Variants in THSD4 observed in about 807,000 individuals in gnomAD.
The protein encoded by THSD4 is thrombospondin type-1 domain-containing protein 4.
Under a neutral mutation model 119.0 loss-of-function variants are expected in THSD4, and 69 were observed. The ratio of observed to expected loss-of-function variants is 0.58; its 90% CI spans 0.48 to 0.71. The LOEUF (loss-of-function observed/expected upper bound fraction) is 0.71, where lower values mean the gene tolerates loss of function less well. Among genes scored for constraint, THSD4 ranks in the 30% least tolerant of loss-of-function variants. THSD4 has a pLI of 0.00. For synonymous variants in THSD4, 524 were observed against 540.4 expected (o/e 0.97, Z 0.42); for missense variants, 1,393 against 1,391.1 (o/e 1.00, Z -0.02).
intron 3 of THSD4, among the ~76,000 whole-genome samples, chr15:71,174,284 T>G (rs1023804808): frequency 1.1e-4 from 16 of 151,584 alleles, no homozygotes; most frequent in African/African-American, 3.7e-4. Context: ...CAGGCCAGTG[T>G]GTGCGCGCGC....
At chr15:71,182,862 G>C (rs537551288) in intron 3 of THSD4, among the ~76,000 whole-genome samples, 16 of 151,878 alleles carry the variant, frequency 1.1e-4, no homozygotes, top group South Asian at 4.2e-4. Context: ...GGTTAGTTTG[G>C]AGAAACAGAG....
chr15:71,646,062 C>T (rs1233631199), intron 7 of THSD4, among the ~76,000 whole-genome samples: 1 of 152,206 alleles, frequency 6.6e-6, no homozygotes, highest in African/African-American at 2.4e-5. Flanking sequence ...CACCTTAAAA[C>T]TCTGCTTTTG....
Position 71,710,106 on chromosome 15 carries a change from G to C in THSD4, c.1358-18443G>C, listed in dbSNP as rs28684474. Among the ~76,000 whole-genome samples, 406 of 152,332 alleles carry C rather than the reference G, an allele frequency of 2.7e-3. 2 individuals are homozygous for C. The highest frequency in any genetic ancestry group is 9.0e-3 in the African/African-American group (373 of 41,572). On this transcript the variant is annotated intron_variant, in intron 8 of 17. Coordinates refer to ENST00000261862, the MANE Select transcript of THSD4 (RefSeq NM_024817.3). ...TTCAAGCTCTTTCCCATCCTGAGGG[G>C]GCTGAGTCAATGCTCCAAAGTGGAA...
chr15:71,293,423 C>T (rs895704399), intron 6 of THSD4, among the ~76,000 whole-genome samples: 1 of 152,084 alleles, frequency 6.6e-6, no homozygotes, highest in Non-Finnish European at 1.5e-5. Context: ...GGGTCTGCAG[C>T]CCCTTCTCAG....
Position 71,256,482 on chromosome 15 carries a change from AAAAAAATAAATAAATAAAGAATAAAAAT to A in THSD4, c.913-116_913-89del. Reference sequence around the variant, plus strand: ...AAGGGTGAGACTCCATCTCAAAAAAAAAAAAATAAATAAATAAAGAATAAAAATAAAAAATAAATAAAGTTGGAAAGGT... The same window carrying A: ...AAGGGTGAGACTCCATCTCAAAAAAAAAAAAATAAATAAAGTTGGAAAGGT... On this transcript the variant is annotated intron_variant, in intron 5 of 17. Transcript: ENST00000261862. The A allele has an allele frequency of 7.0e-6, 4 of 574,000 alleles. 1 individual carries two copies. The highest frequency in any genetic ancestry group is 9.9e-6 in the Non-Finnish European group (4 of 403,530). The allele number at this position is 574,000 out of a possible 1,614,324, so 35.6% of individuals were successfully genotyped here.
At chr15:71,595,249 T>G (rs2049886182) in intron 7 of THSD4, among the ~76,000 whole-genome samples, 1 of 152,228 alleles carries the variant, frequency 6.6e-6, no homozygotes, top group African/African-American at 2.4e-5. Context: ...AACAAGGTGA[T>G]AAGCTTTGGC....
chr15:71,189,245 C>T (rs1042700256), intron 3 of THSD4, among the ~76,000 whole-genome samples: 32 of 152,196 alleles, frequency 2.1e-4, no homozygotes, highest in African/African-American at 7.2e-4. Context: ...TTACATCAAG[C>T]AGGTCTCTAT....
rs2050668540 is a variant in THSD4 at position 71,633,265 on chromosome 15, CT to C, written c.1153-27262del. Among the ~76,000 whole-genome samples the C allele has an allele frequency of 2.4e-5, 3 of 123,602 alleles. No individual in the cohort carries two copies. In the Admixed American group the frequency reaches 2.7e-4, roughly 11 times the overall value. The allele number at this position is 123,602 out of a possible 152,430, so 81.1% of individuals were successfully genotyped here. ...TTTCTTCTTTTCTTTTTCTTTCTTT[CT>C]TTCTTTTTTTTTTTTTTTTTTTTTT... On this transcript the variant is annotated intron_variant, in intron 7 of 17. Transcript: ENST00000261862.
rs537964744 is a variant in THSD4, at chr15:71,218,511, C to T, written c.464+3112C>T. On this transcript the variant is annotated intron_variant, in intron 4 of 17. Coordinates refer to ENST00000261862, the MANE Select transcript of THSD4 (RefSeq NM_024817.3). ...AAATTTTTTTCTTCAAATGTATTGA[C>T]GGGGGCCAGTTAAACTGTTTACTAT... is the stretch of plus-strand genomic sequence containing the variant. Among the ~76,000 whole-genome samples the T allele has an allele frequency of 3.3e-5, 5 of 152,232 alleles. No individual in the cohort carries two copies. In the South Asian group the frequency reaches 8.3e-4, roughly 25 times the overall value.
At chr15:71,547,296 C>T (rs954790123) in intron 7 of THSD4, 19 of 1,506,436 alleles carry the variant, frequency 1.3e-5, no homozygotes, top group African/African-American at 5.5e-5. Flanking sequence ...AGGGAACCAG[C>T]GCGGTGCCTA....
intron 14 of THSD4, among the ~76,000 whole-genome samples, chr15:71,751,160 A>G (rs946401764): frequency 6.6e-5 from 10 of 152,224 alleles, no homozygotes; most frequent in Non-Finnish European, 1.5e-4. Context: ...AAAAATATCT[A>G]GTTTCCTCAA....
chr15:71,679,184 C>G (rs1001938126), intron 8 of THSD4, among the ~76,000 whole-genome samples: 2 of 152,152 alleles, frequency 1.3e-5, no homozygotes, highest in Non-Finnish European at 2.9e-5. Context: ...CCTTTGATGA[C>G]TTTGAAAAGA....
At chr15:71,160,607 G>A (rs2043240873) in intron 3 of THSD4, among the ~76,000 whole-genome samples, 1 of 151,882 alleles carries the variant, frequency 6.6e-6, no homozygotes. Context: ...TTGGTGTATA[G>A]TTGTTCATAA....
intron 5 of THSD4, among the ~76,000 whole-genome samples, chr15:71,245,249 C>T (rs532261579): frequency 4.6e-5 from 7 of 152,266 alleles, no homozygotes; most frequent in African/African-American, 1.7e-4. Flanking sequence ...AGTGTCCTCC[C>T]CAGTGCACCC....
At chr15:71,366,704 A>G (rs2045970071) in intron 6 of THSD4, among the ~76,000 whole-genome samples, 1 of 152,142 alleles carries the variant, frequency 6.6e-6, no homozygotes, top group African/African-American at 2.4e-5. Flanking sequence ...TCTTCAGCCT[A>G]TGAAAAACAC....
At chr15:71,162,844 G>T (rs894835104) in intron 3 of THSD4, among the ~76,000 whole-genome samples, 1 of 151,496 alleles carries the variant, frequency 6.6e-6, no homozygotes, top group Non-Finnish European at 1.5e-5. Flanking sequence ...TTTTCCTTCT[G>T]ACTGGGTTAT....
intron 2 of THSD4, among the ~76,000 whole-genome samples, chr15:71,150,169 A>G (rs1236413744): frequency 2.0e-5 from 3 of 152,208 alleles, no homozygotes; most frequent in Non-Finnish European, 2.9e-5. Context: ...GCGGTTTGCC[A>G]AAGCAAACTA....
chr15:71,595,199 G>A (rs1448169365), intron 7 of THSD4, among the ~76,000 whole-genome samples: 1 of 152,160 alleles, frequency 6.6e-6, no homozygotes, highest in Admixed American at 6.5e-5. Flanking sequence ...GAGTGGACAG[G>A]CCTGGAAGTC....
chr15:71,690,278 C>T (rs1398088437), intron 8 of THSD4, among the ~76,000 whole-genome samples: 1 of 152,134 alleles, frequency 6.6e-6, no homozygotes, highest in East Asian at 1.9e-4. Flanking sequence ...CTGGCTCTTT[C>T]TTCGGAATCA....
Sources: allele counts gnomAD v4.1 joint callset (sites outside exome capture counted in the v4.1 genomes callset), GRCh38; gene constraint gnomAD v4.1.1; transcripts MANE v1.5; gene names NCBI Gene and HGNC (gene_info 2026-07-23, HGNC 2026-07-21).